The following FGL1 variants were observed in gnomAD, a reference collection of about 807,000 sequenced individuals.
The protein encoded by FGL1 is fibrinogen like 1.
FGL1 carries 59 observed loss-of-function variants against 43.7 expected under a neutral mutation model. The ratio of observed to expected loss-of-function variants is 1.35; its 90% confidence interval spans 1.10 to 1.68. FGL1 has a LOEUF of 1.68. Ranked by LOEUF, FGL1 falls within the 40% of genes most tolerant of loss-of-function variation. The pLI is 0.00. For synonymous variants in FGL1, 192 were observed against 126.5 expected (o/e 1.52, Z -3.48); for missense variants, 596 against 373.0 (o/e 1.60, Z -4.92).
intron 3 of FGL1, among the ~76,000 whole-genome samples, chr8:17,875,808 T>C (rs1216096861): frequency 1.3e-5 from 2 of 152,084 alleles, no homozygotes; most frequent in Non-Finnish European, 1.5e-5. Context: ...GATTTTGCCA[T>C]GTTGGCCAGA....
intron 3 of FGL1, among the ~76,000 whole-genome samples, chr8:17,879,586 T>A (rs554041954): frequency 2.4e-4 from 36 of 152,178 alleles, no homozygotes; most frequent in African/African-American, 8.4e-4. Context: ...ACCTCCTCCC[T>A]CTCTTTCTCC....
intron 2 of FGL1, among the ~76,000 whole-genome samples, chr8:17,884,348 T>C (rs1233393619): frequency 6.6e-6 from 1 of 151,956 alleles, no homozygotes; most frequent in Non-Finnish European, 1.5e-5. Context: ...TTGTGTGCCA[T>C]AACACCCAGC....
In FGL1 at chr8:17,874,596, A is replaced by G. The variant is rs35098281; in HGVS notation, c.245-75T>C. The G allele has an allele frequency of 2.8e-3, 3,308 of 1,164,386 alleles. 69 individuals are homozygous for G. In the African/African-American group the frequency reaches 0.045, roughly 16 times the overall value. 72.1% of individuals were successfully genotyped at this position (1,164,386 alleles called of 1,614,324 possible). ...CCCCGCCTTAGGGAGCCTCTGAATGAGACTACTCAGTATCACTGGAGACAG... is the reference window on the plus strand; with the variant it reads ...CCCCGCCTTAGGGAGCCTCTGAATGGGACTACTCAGTATCACTGGAGACAG... On this transcript the variant is annotated intron_variant, in intron 3 of 7. Transcript: ENST00000427924.
intron 7 of FGL1, among the ~76,000 whole-genome samples, chr8:17,867,128 C>A (rs36086805): frequency 6.6e-6 from 1 of 152,176 alleles, no homozygotes; most frequent in African/African-American, 2.4e-5. Flanking sequence ...AGCAGTAGTA[C>A]TCCCTTATCT....
intron 3 of FGL1, 65 bp downstream of exon 3, chr8:17,881,934 C>A: frequency 7.5e-7 from 1 of 1,332,196 alleles, no homozygotes; most frequent in South Asian, 1.4e-5. Context: ...AAATAACTAG[C>A]ACCATCACTG....
intron 2 of FGL1, chr8:17,882,734 TAAA>T (rs1177482067): frequency 6.6e-5 from 8 of 121,046 alleles, no homozygotes; most frequent in African/African-American, 2.5e-4. Context: ...TATATGCATA[TAAA>T]TAATATATAA....
intron 1 of FGL1, among the ~76,000 whole-genome samples, chr8:17,889,041 A>G (rs1442440783): frequency 6.6e-6 from 1 of 152,186 alleles, no homozygotes; most frequent in Non-Finnish European, 1.5e-5. Flanking sequence ...AGTTCCACAA[A>G]GATGCCAAGC....
At chr8:17,867,056 T>C (rs893047988) in intron 7 of FGL1, among the ~76,000 whole-genome samples, 1 of 152,202 alleles carries the variant, frequency 6.6e-6, no homozygotes, top group Non-Finnish European at 1.5e-5. Flanking sequence ...GATCAAATCT[T>C]AAATGGACTC....
intron 1 of FGL1, chr8:17,891,600 C>T: frequency 1.3e-6 from 1 of 754,616 alleles, no homozygotes; most frequent in Middle Eastern, 6.7e-4. Context: ...TAGGAATGTA[C>T]ATGTTTTGGG....
At chr8:17,881,405 G>C (rs1398116734) in intron 3 of FGL1, among the ~76,000 whole-genome samples, 1 of 151,736 alleles carries the variant, frequency 6.6e-6, no homozygotes. Context: ...AACGTGCTGG[G>C]ATTACAGGCG....
chr8:17,873,251 G>A (rs959516097), intron 5 of FGL1, among the ~76,000 whole-genome samples: 1 of 152,068 alleles, frequency 6.6e-6, no homozygotes, highest in Non-Finnish European at 1.5e-5. Context: ...CCAATTCTGG[G>A]CCTAGATCTC....
intron 3 of FGL1, 114 bp downstream of exon 3, chr8:17,881,885 A>G: frequency 1.2e-6 from 1 of 865,482 alleles, no homozygotes; most frequent in East Asian, 2.6e-5. Flanking sequence ...AATAGATATA[A>G]TGCTTCATAT....
At chr8:17,880,725 A>G (rs1462492886) in intron 3 of FGL1, among the ~76,000 whole-genome samples, 1 of 152,170 alleles carries the variant, frequency 6.6e-6, no homozygotes, top group Admixed American at 6.5e-5. Flanking sequence ...CATATGGACA[A>G]AGTGCTTTCG....
rs758752599 is a variant in FGL1, at chr8:17,885,491, C to T, written c.63+1G>A. 7.5e-6 allele frequency: 12 copies of T among 1,609,276 alleles called. No individual in the cohort carries two copies. In the South Asian group the frequency reaches 8.8e-5, roughly 12 times the overall value. ...GACAATAGTTTTCCCAAGAAGCTTA[C>T]CGAAATTTCCCTGCCCATTGTCAGA... On this transcript the variant is annotated splice_donor_variant, in intron 2 of 7. Transcript: ENST00000427924. LOFTEE classifies it high-confidence loss of function.
At chr8:17,877,120 A>C (rs1306565007) in intron 3 of FGL1, among the ~76,000 whole-genome samples, 1 of 152,210 alleles carries the variant, frequency 6.6e-6, no homozygotes, top group Non-Finnish European at 1.5e-5. Flanking sequence ...TAGAATTTAA[A>C]ATATGAACTT....
At chr8:17,877,833 G>A (rs931414437) in intron 3 of FGL1, among the ~76,000 whole-genome samples, 3 of 152,278 alleles carry the variant, frequency 2.0e-5, no homozygotes, top group South Asian at 4.1e-4. Context: ...GAGAGAATGC[G>A]ATACTCTTGT....
intron 5 of FGL1, among the ~76,000 whole-genome samples, chr8:17,870,877 G>T (rs1381263765): frequency 1.3e-5 from 2 of 151,742 alleles, no homozygotes; most frequent in African/African-American, 4.8e-5. Context: ...CTGCACTCCA[G>T]CCTGGCTACA....
intron 5 of FGL1, 68 bp downstream of exon 5, chr8:17,873,951 G>A: frequency 8.6e-7 from 1 of 1,158,288 alleles, no homozygotes; most frequent in South Asian, 1.7e-5. Context: ...CCTATAATTT[G>A]GTTAAAAAAA....
At chr8:17,873,896 C>T in intron 5 of FGL1, 123 bp downstream of exon 5, 1 of 563,852 alleles carries the variant, frequency 1.8e-6, no homozygotes, top group Admixed American at 4.1e-5. Flanking sequence ...CAAAAGTTAT[C>T]ACTGCCATCT....
Sources: allele counts gnomAD v4.1 joint callset (sites outside exome capture counted in the v4.1 genomes callset), GRCh38; gene constraint gnomAD v4.1.1; transcripts MANE v1.5; gene names NCBI Gene and HGNC (gene_info 2026-07-23, HGNC 2026-07-21).